PCNX1: variants seen among roughly 807,000 people sequenced by gnomAD.
PCNX1 encodes the protein pecanex 1.
PCNX1 carries 78 observed loss-of-function variants against 242.2 expected under a neutral mutation model. The ratio of observed to expected loss-of-function variants is 0.32; its 90% CI spans 0.27 to 0.39. The LOEUF (loss-of-function observed/expected upper bound fraction) is 0.39. Ranked by LOEUF, PCNX1 falls within the 10% of genes least tolerant of loss-of-function variation. PCNX1 has a pLI of 1.00. For synonymous variants in PCNX1, 1,024 were observed against 1,032.9 expected, an observed-to-expected ratio of 0.99 and a Z score of 0.17; for missense variants, 2,581 against 2,856.5, an observed-to-expected ratio of 0.90 and a Z score of 2.20.
intron 12 of PCNX1, among the ~76,000 whole-genome samples, chr14:71,020,338 G>T (rs1168711993): frequency 6.6e-6 from 1 of 152,146 alleles, no homozygotes; most frequent in Non-Finnish European, 1.5e-5. Context: ...TCTGGTTCTG[G>T]ATCCTTGAGG....
In PCNX1 at chr14:71,115,326, A is replaced by AAAT. The variant is rs1428332900; in HGVS notation, c.*5393_*5395dup. On this transcript the variant is annotated 3_prime_UTR_variant, in exon 36 of 36. Transcript: ENST00000304743. ...TCTTTTGGCAAATATATTGCATCAA[A>AAAT]AATACAGTATTGACAGTGGATAAAA... 2 of 152,684 alleles carry AAAT rather than the reference A, an allele frequency of 1.3e-5. No individual in the cohort carries two copies. Among genetic ancestry groups the AAAT allele is most frequent in the Non-Finnish European group, 2.9e-5 (2 of 68,044 alleles). The allele number at this position is 152,684 out of a possible 1,614,324, so 9.5% of individuals were successfully genotyped here.
intron 1 of PCNX1, among the ~76,000 whole-genome samples, chr14:70,916,881 CT>C (rs1299435233): frequency 6.6e-6 from 1 of 152,174 alleles, no homozygotes; most frequent in Non-Finnish European, 1.5e-5. Context: ...AGTAAAACTT[CT>C]TTCAAAATTA....
At chr14:71,107,748 G>A (rs2062663713) in intron 33 of PCNX1, among the ~76,000 whole-genome samples, 1 of 152,180 alleles carries the variant, frequency 6.6e-6, no homozygotes, top group African/African-American at 2.4e-5. Context: ...CTTTTCCTTG[G>A]TAGAAGTTGA....
chr14:71,092,380 G>A (rs553316179), intron 30 of PCNX1, among the ~76,000 whole-genome samples: 3 of 152,276 alleles, frequency 2.0e-5, no homozygotes, highest in Admixed American at 6.5e-5. Flanking sequence ...ATCATTATAT[G>A]GCAGCTTAAA....
chr14:70,960,458 A>G (rs2058167690), intron 2 of PCNX1, among the ~76,000 whole-genome samples: 1 of 152,180 alleles, frequency 6.6e-6, no homozygotes, highest in Admixed American at 6.5e-5. Context: ...CTTTGACAAA[A>G]TTCAACAACA....
chr14:70,987,246 T>C (rs188271148), intron 6 of PCNX1, among the ~76,000 whole-genome samples: 86 of 152,332 alleles, frequency 5.6e-4, no homozygotes, highest in Admixed American at 1.8e-3. Context: ...AATATAACTT[T>C]GTGTGATGAT....
Position 71,114,442 on chromosome 14 carries a change from A to G in PCNX1, c.*4507A>G, listed in dbSNP as rs75964712. ...TGCTTGAAACAGAAGTATATTTTCT[A>G]CTTTGAATCACCTCACCAGAGTCAT... On this transcript the variant is annotated 3_prime_UTR_variant, in exon 36 of 36. Transcript: ENST00000304743. The G allele has an allele frequency of 8.5e-4, 130 of 152,416 alleles. No individual in the cohort carries two copies. Among genetic ancestry groups the G allele is most frequent in the African/African-American group, 2.9e-3 (122 of 41,578 alleles). 9.4% of individuals were successfully genotyped at this position (152,416 alleles called of 1,614,324 possible).
chr14:70,962,341 TGC>T lies in PCNX1; in HGVS notation c.468+13_468+14del. The T allele has an allele frequency of 6.5e-7, 1 of 1,539,468 alleles. No individual in the cohort carries two copies. Among genetic ancestry groups the T allele is most frequent in the African/African-American group, 1.4e-5 (1 of 73,514 alleles). ...AGATCCAAGCAACCAGGTAGGAACC[TGC>T]GCTGTTTTATTTTGCCTTTTTCCCT... is the stretch of plus-strand genomic sequence containing the variant. On this transcript the variant is annotated intron_variant, in intron 3 of 35. Transcript: ENST00000304743.
At chr14:71,036,029 A>G (rs758935107) in intron 18 of PCNX1, 36 bp from the exon 19 acceptor site, 72 of 1,355,590 alleles carry the variant, frequency 5.3e-5, no homozygotes, top group Non-Finnish European at 7.4e-5. Flanking sequence ...TAAAAATTTT[A>G]TGTAATTGTT....
intron 7 of PCNX1, among the ~76,000 whole-genome samples, chr14:70,991,881 A>G (rs934343808): frequency 6.6e-6 from 1 of 152,174 alleles, no homozygotes; most frequent in African/African-American, 2.4e-5. Flanking sequence ...TGCTATATAA[A>G]TACTAGTAAA....
chr14:70,912,204 C>T (rs2055945576), intron 1 of PCNX1, among the ~76,000 whole-genome samples: 1 of 150,612 alleles, frequency 6.6e-6, no homozygotes, highest in South Asian at 2.1e-4. Context: ...CACTGCACTC[C>T]AGCCTGGGCG....
chr14:70,976,099 G>GCTATTTCACAAAT (rs1325923037), intron 5 of PCNX1, among the ~76,000 whole-genome samples: 1 of 152,030 alleles, frequency 6.6e-6, no homozygotes, highest in Non-Finnish European at 1.5e-5. Context: ...AATCGTATTA[G>GCTATTTCACAAAT]CTTTTTGAAA....
At chr14:70,947,648 A>G (rs1397010617) in intron 2 of PCNX1, among the ~76,000 whole-genome samples, 1 of 152,078 alleles carries the variant, frequency 6.6e-6, no homozygotes, top group Admixed American at 6.6e-5. Flanking sequence ...GGATCCTGTG[A>G]TGATTGCGTT....
At chr14:71,025,426 C>T (rs1319983273) in intron 13 of PCNX1, among the ~76,000 whole-genome samples, 7 of 151,656 alleles carry the variant, frequency 4.6e-5, no homozygotes, top group Non-Finnish European at 1.0e-4. Flanking sequence ...CTCTATGGAG[C>T]CCCCCCACCT....
At chr14:70,949,246 C>T (rs8004124) in intron 2 of PCNX1, among the ~76,000 whole-genome samples, 3 of 105,038 alleles carry the variant, frequency 2.9e-5, no homozygotes, top group South Asian at 7.1e-4. Flanking sequence ...TATATACACA[C>T]GTGTATACAC....
At chr14:71,098,553 T>TGAGTGAGAGAGA (rs1555379089) in intron 30 of PCNX1, among the ~76,000 whole-genome samples, 13 of 125,732 alleles carry the variant, frequency 1.0e-4, no homozygotes, top group Non-Finnish European at 1.8e-4. Context: ...TGTGTGTGTG[T>TGAGTGAGAGAGA]GAGAGAGAGA....
intron 1 of PCNX1, among the ~76,000 whole-genome samples, chr14:70,935,692 T>C (rs1212956193): frequency 6.6e-6 from 1 of 152,250 alleles, no homozygotes; most frequent in African/African-American, 2.4e-5. Flanking sequence ...TCAATCGTTT[T>C]TATCTTAATG....
In PCNX1 at chr14:70,969,091, G is replaced by T; in HGVS notation, c.585G>T (p.Lys195Asn). ...LSLGQSSSLC[K>N]EGSEEQDLAA... ...TGGGCCAAAGTTCTAGTCTTTGTAA[G>T]GAAGGAAGTGAAGAACAAGGTAAGA... The change falls in exon 5 of 36, where the codon AAG (lysine) becomes AAT (asparagine). Residue 195 changes from lysine to asparagine, a missense_variant. Transcript: ENST00000304743. 10 of 1,603,446 alleles carry T rather than the reference G, an allele frequency of 6.2e-6. No individual in the cohort carries two copies. Among genetic ancestry groups the T allele is most frequent in the Non-Finnish European group, 8.5e-6 (10 of 1,170,386 alleles).
At chr14:71,108,575 T>C in intron 33 of PCNX1, 29 bp from the exon 34 acceptor site, 2 of 1,553,752 alleles carry the variant, frequency 1.3e-6, no homozygotes, top group South Asian at 2.4e-5. Context: ...CATTCTACTT[T>C]GAGTGAGTGC....
Sources: gnomAD v4.1 joint callset for allele counts (sites outside exome capture counted in the v4.1 genomes callset) on GRCh38, gnomAD v4.1.1 for gene constraint, MANE v1.5 for transcripts, NCBI Gene and HGNC (gene_info 2026-07-23, HGNC 2026-07-21) for gene names.